Variants in ABLIM2 observed in about 807,000 individuals in gnomAD.
The protein encoded by ABLIM2 is actin binding LIM protein family member 2.
In ABLIM2, 53 loss-of-function variants were observed where a neutral mutation model predicts 97.7. The observed-to-expected ratio is 0.54, with a 90% CI of 0.44 to 0.68. The LOEUF (loss-of-function observed/expected upper bound fraction) is 0.68. ABLIM2 is among the 30% of genes least tolerant of loss of function. The pLI is 0.00. For synonymous variants in ABLIM2, 361 were observed against 345.8 expected, an observed-to-expected ratio of 1.04 and a Z score of -0.49; for missense variants, 835 against 867.2, an observed-to-expected ratio of 0.96 and a Z score of 0.47.
Position 8,120,787 on chromosome 4 carries a change from A to G in ABLIM2, c.11-14150T>C, listed in dbSNP as rs1480097611. Among the ~76,000 whole-genome samples the G allele has an allele frequency of 1.3e-5, 2 of 152,218 alleles. No homozygotes were observed. The highest frequency in any genetic ancestry group is 2.1e-4 in the South Asian group (1 of 4,834). On this transcript the variant is annotated intron_variant, in intron 1 of 20. Coordinates refer to ENST00000447017, the MANE Select transcript of ABLIM2 (RefSeq NM_001130083.2). The surrounding 1 kb of genome is among the most constrained non-coding windows in gnomAD (Gnocchi z 5.6). ...ACTGACTTCACCTAACCTAGCGACC[A>G]TCACAGCTCAGCCCAGCCTACCGGA...
At chr4:8,030,127 C>A (rs568527393) in intron 10 of ABLIM2, among the ~76,000 whole-genome samples, 46 of 152,296 alleles carry the variant, frequency 3.0e-4, no homozygotes, top group African/African-American at 9.9e-4. Flanking sequence ...TCTTAGAACA[C>A]AGTGTGAGAA....
At chr4:7,977,798 A>AAATAAATGAATAAATAAATAAATG (rs145285874) in intron 20 of ABLIM2, among the ~76,000 whole-genome samples, 1 of 150,374 alleles carries the variant, frequency 6.7e-6, no homozygotes, top group African/African-American at 2.4e-5. Context: ...CTCAATAAAT[A>AAATAAATGAATAAATAAATAAATG]AATAAATAAA....
chr4:8,056,509 T>C (rs144133202), intron 7 of ABLIM2, among the ~76,000 whole-genome samples: 2,454 of 152,036 alleles, frequency 0.016, 65 homozygotes, highest in African/African-American at 0.056. Context: ...CTATATTGAC[T>C]AGGCTGGTCT....
intron 12 of ABLIM2, among the ~76,000 whole-genome samples, chr4:8,027,283 G>A (rs926798356): frequency 6.6e-6 from 1 of 152,214 alleles, no homozygotes; most frequent in African/African-American, 2.4e-5. Context: ...TCCACTCCTG[G>A]AAGAGCCGAG....
At chr4:8,096,430 G>C (rs1445332642) in intron 3 of ABLIM2, among the ~76,000 whole-genome samples, 1 of 152,178 alleles carries the variant, frequency 6.6e-6, no homozygotes, top group Admixed American at 6.5e-5. Flanking sequence ...GGGAGAGAGA[G>C]GTCTGACTCA....
chr4:8,111,970 T>A (rs1478595159), intron 1 of ABLIM2, among the ~76,000 whole-genome samples: 3 of 151,508 alleles, frequency 2.0e-5, no homozygotes, highest in African/African-American at 7.3e-5. Context: ...TAACCACAAT[T>A]GCGGCAGGTT....
chr4:8,031,469 G>A (rs1161083763), intron 10 of ABLIM2, among the ~76,000 whole-genome samples: 2 of 152,212 alleles, frequency 1.3e-5, no homozygotes, highest in East Asian at 1.9e-4. Flanking sequence ...AGGAATCACT[G>A]CTCTAGGGAT....
In ABLIM2 at chr4:7,996,116, G is replaced by T. The variant is rs1168630150; in HGVS notation, c.1619-3189C>A. On this transcript the variant is annotated intron_variant, in intron 16 of 20. Coordinates refer to ENST00000447017, the MANE Select transcript of ABLIM2 (RefSeq NM_001130083.2). The surrounding 1 kb of genome is among the most constrained non-coding windows in gnomAD (Gnocchi z 4.5). ...GCGGGAGCTCCTTATCAGCAAAGGT[G>T]CTAGAGGGGTGGTTCTCAAACTGGC... Among the ~76,000 whole-genome samples, 3 of 152,178 alleles carry T rather than the reference G, an allele frequency of 2.0e-5. No homozygotes were observed. Among genetic ancestry groups the T allele is most frequent in the Non-Finnish European group, 4.4e-5 (3 of 68,030 alleles).
In ABLIM2 at chr4:8,002,556, T is replaced by C. The variant is rs923462908; in HGVS notation, c.1618+5503A>G. On this transcript the variant is annotated intron_variant, in intron 16 of 20. Transcript: ENST00000447017. This position sits in a 1 kb window ranked among gnomAD's most constrained non-coding sequence, Gnocchi z 6.1. The stretch of plus-strand genomic sequence containing the variant: ...CGTGTCGTGCTGACGTTCCCCTCCC[T>C]GGCACTGCGCTCCAGACCTTTCCTG... 3.3e-5 allele frequency among the ~76,000 whole-genome samples: 5 copies of C among 152,178 alleles called. No individual in the cohort carries two copies. Among genetic ancestry groups the C allele is most frequent in the Non-Finnish European group, 7.3e-5 (5 of 68,032 alleles).
intron 11 of ABLIM2, among the ~76,000 whole-genome samples, chr4:8,028,108 G>T (rs180880788): frequency 3.9e-5 from 6 of 152,212 alleles, no homozygotes; most frequent in Admixed American, 1.3e-4. Context: ...GGTTCCCCAG[G>T]GGGGGTTAGG....
chr4:8,040,477 G>T (rs1031706566), intron 9 of ABLIM2, among the ~76,000 whole-genome samples: 1 of 152,154 alleles, frequency 6.6e-6, no homozygotes, highest in Non-Finnish European at 1.5e-5. Flanking sequence ...CAGGCATGGT[G>T]GTGGGCGCCT....
intron 9 of ABLIM2, among the ~76,000 whole-genome samples, chr4:8,037,473 C>A (rs1785308108): frequency 6.6e-6 from 1 of 152,112 alleles, no homozygotes. Flanking sequence ...CATACTAGCA[C>A]ACACATGCCC....
intron 1 of ABLIM2, among the ~76,000 whole-genome samples, chr4:8,126,515 A>C (rs189331858): frequency 5.0e-5 from 7 of 140,600 alleles, no homozygotes; most frequent in Non-Finnish European, 9.1e-5. Flanking sequence ...CATCACCTTC[A>C]CCCCACAGGC....
intron 3 of ABLIM2, among the ~76,000 whole-genome samples, chr4:8,089,554 G>A (rs1292765402): frequency 2.6e-5 from 4 of 152,014 alleles, no homozygotes; most frequent in Admixed American, 2.6e-4. Flanking sequence ...GGCCAGTGTG[G>A]TGAAACCTGG....
At chr4:8,066,415 AAGGAAGGAAGG>A (rs1807700503) in intron 6 of ABLIM2, 2 of 128,664 alleles carry the variant, frequency 1.6e-5, no homozygotes, top group Admixed American at 8.2e-5. Flanking sequence ...GGAAGGAAGG[AAGGAAGGAAGG>A]AAGGGAGGGG....
chr4:8,066,384 AGG>A (rs1416408662), intron 6 of ABLIM2: 1 of 86,296 alleles, frequency 1.2e-5, no homozygotes, highest in African/African-American at 3.7e-5. Flanking sequence ...GAAGGAAGGA[AGG>A]AAGGAAGGAA....
intron 3 of ABLIM2, among the ~76,000 whole-genome samples, chr4:8,093,051 G>T (rs907815525): frequency 6.6e-6 from 1 of 152,118 alleles, no homozygotes; most frequent in East Asian, 1.9e-4. Context: ...GTTTCACCAC[G>T]TTGGCCAGGC....
chr4:8,080,507 C>T (rs969807008), intron 5 of ABLIM2, among the ~76,000 whole-genome samples, 169 bp downstream of exon 5: 47 of 152,182 alleles, frequency 3.1e-4, no homozygotes, highest in Admixed American at 2.0e-4. Flanking sequence ...GGGACAAATT[C>T]GCTGAGCTCT....
intron 7 of ABLIM2, among the ~76,000 whole-genome samples, chr4:8,056,048 G>A (rs1798843322): frequency 7.1e-6 from 1 of 141,068 alleles, no homozygotes; most frequent in African/African-American, 2.6e-5. Flanking sequence ...GGGAGGCAGA[G>A]GTTGCAGTGA....
Sources: allele counts gnomAD v4.1 joint callset (sites outside exome capture counted in the v4.1 genomes callset), GRCh38; gene constraint gnomAD v4.1.1; non-coding constraint Gnocchi (gnomAD v3.1); transcripts MANE v1.5; gene names NCBI Gene and HGNC (gene_info 2026-07-23, HGNC 2026-07-21).